CACNA1G: variants seen among roughly 807,000 people sequenced by gnomAD.
CACNA1G encodes voltage-dependent T-type calcium channel subunit alpha-1G.
A neutral mutation model predicts 219.4 loss-of-function variants in CACNA1G; 67 were observed. That is an observed-to-expected ratio of 0.31 (90% CI 0.25 to 0.37). CACNA1G has a LOEUF of 0.37. Among genes scored for constraint, CACNA1G ranks in the 10% least tolerant of loss-of-function variants. The pLI, the probability that CACNA1G is intolerant of heterozygous loss-of-function variation, is 1.00. For missense variants in CACNA1G, 2,380 were observed against 3,231.4 expected (o/e 0.74, Z 6.39); for synonymous variants, 1,296 against 1,345.3 (o/e 0.96, Z 0.80).
In CACNA1G at chr17:50,569,191, C is replaced by A; in HGVS notation, c.381C>A (p.Phe127Leu). The change falls in exon 3 of 38, where the codon TTC becomes TTA. Residue 127 changes from phenylalanine to leucine, a missense_variant. Physicochemically the swap from Phe to Leu is conservative, Grantham distance 22. Transcript: ENST00000359106. ...LQAFDDFIFA[F>L]FAVEMVVKMV... ...CCTTTGATGACTTCATCTTTGCCTT[C>A]TTTGCCGTGGAGATGGTGGTGAAGA... 6.2e-7 allele frequency: 1 copy of A among 1,613,918 alleles called. No homozygotes were observed. Among genetic ancestry groups the A allele is most frequent in the Non-Finnish European group, 8.5e-7 (1 of 1,179,854 alleles).
Position 50,626,618 on chromosome 17 carries a change from G to C in CACNA1G, c.7001G>C (p.Arg2334Thr), listed in dbSNP as rs771712305. ...AGCCCTGGTATCTGCCTCCGGAGGA[G>C]GGCTCCGTCCAGCGACTCCAAGGAT... Reference protein sequence around the residue: ...PPSPGICLRRRAPSSDSKDPL... With the variant: ...PPSPGICLRRTAPSSDSKDPL... The change falls in exon 38 of 38, where the codon AGG becomes ACG. Residue 2334 changes from arginine to threonine, a missense_variant. This residue lies in a region of CACNA1G where 672 missense variants were observed against 670.5 expected (regional missense o/e 1.00). Transcript: ENST00000359106. The surrounding 1 kb of genome is among the most constrained non-coding windows in gnomAD (Gnocchi z 4.3). The C allele has an allele frequency of 1.2e-6, 2 of 1,612,788 alleles. No individual in the cohort carries two copies. Among genetic ancestry groups the C allele is most frequent in the East Asian group, 2.2e-5 (1 of 44,812 alleles).
chr17:50,603,153 G>T lies in CACNA1G; in HGVS notation c.4123G>T (p.Gly1375Cys). 6.2e-7 allele frequency: 1 copy of T among 1,611,346 alleles called. No homozygotes were observed. The change falls in exon 21 of 38, where the codon GGC becomes TGC. Residue 1375 changes from glycine to cysteine, a missense_variant. Transcript: ENST00000359106. The surrounding 1 kb of genome is among the most constrained non-coding windows in gnomAD (Gnocchi z 6.4). ...CTCTGACAGCGGCACCAAGATCCTG[G>T]GCATGCTGAGGGTGCTGCGGCTGCT... The part of the protein sequence containing the change: ...MVSDSGTKIL[G>C]MLRVLRLLRT...
Position 50,605,945 on chromosome 17 carries a change from C to G in CACNA1G, c.4344C>G (p.Asn1448Lys). Residue 1448 changes from asparagine to lysine, a missense_variant, in exon 23 of 38, where the codon AAC (asparagine) becomes AAG (lysine). Around this residue, in one of 17 missense-constraint regions of CACNA1G, gnomAD observed 153 missense variants for 374.9 expected, o/e 0.41. Transcript: ENST00000359106. ...FFVCQGEDTRNITNKSDCAEA... is the reference protein window; with the variant it reads ...FFVCQGEDTRKITNKSDCAEA... ...TGTGCCAGGGCGAGGATACCAGGAACATCACCAATAAATCGGACTGTGCCG... is the reference window on the plus strand; with the variant it reads ...TGTGCCAGGGCGAGGATACCAGGAAGATCACCAATAAATCGGACTGTGCCG... 1 of 1,613,732 alleles carries G rather than the reference C, an allele frequency of 6.2e-7. No individual in the cohort carries two copies. Among genetic ancestry groups the G allele is most frequent in the Non-Finnish European group, 8.5e-7 (1 of 1,179,874 alleles).
At chr17:50,594,910 A>C in intron 13 of CACNA1G, 83 bp from the exon 14 acceptor site, 15 of 1,033,404 alleles carry the variant, frequency 1.5e-5, no homozygotes, top group South Asian at 4.3e-5. Context: ...CCTTTTCTTC[A>C]TCCTCTCTCG....
chr17:50,570,557 C>CTGTGTGTGTGTGTGTGTGTGTGTG (rs3062844), intron 4 of CACNA1G, among the ~76,000 whole-genome samples: 5,087 of 132,514 alleles, frequency 0.038, 293 homozygotes, highest in African/African-American at 0.08. Flanking sequence ...CCCCTGCGCT[C>CTGTGTGTGTGTGTGTGTGTGTGTG]TGTGTGTGTG....
At chr17:50,608,634 C>G (rs953683466) in intron 25 of CACNA1G, among the ~76,000 whole-genome samples, 1 of 151,928 alleles carries the variant, frequency 6.6e-6, no homozygotes, top group Admixed American at 6.6e-5. Flanking sequence ...CTGGAATAAC[C>G]TGGGGCCCTG....
At chr17:50,584,958 C>T (rs2042714624) in intron 9 of CACNA1G, among the ~76,000 whole-genome samples, 1 of 152,288 alleles carries the variant, frequency 6.6e-6, no homozygotes, top group East Asian at 1.9e-4. Flanking sequence ...TCTAGCGATA[C>T]TCAGCACTTC....
intron 9 of CACNA1G, among the ~76,000 whole-genome samples, chr17:50,589,356 C>T (rs2043674515): frequency 6.6e-6 from 1 of 152,204 alleles, no homozygotes; most frequent in Admixed American, 6.5e-5. Context: ...TCACCCCTCA[C>T]CTTTTCTCCC....
Position 50,621,889 on chromosome 17 carries a change from T to A in CACNA1G, c.6060+95T>A. 1.5e-6 allele frequency: 2 copies of A among 1,371,078 alleles called. No individual in the cohort carries two copies. The highest frequency in any genetic ancestry group is 2.0e-6 in the Non-Finnish European group (2 of 989,352). The allele number at this position is 1,371,078 out of a possible 1,614,324, so 84.9% of individuals were successfully genotyped here. A position where few individuals can be genotyped will look rare whatever the true frequency, so the allele number is the denominator to read the frequency against. ...GCCCAGGGAGGGTCCTGGGGCCGCC[T>A]CCTCTCAGTTTGCTGCCAGGCTCCA... On this transcript the variant is annotated intron_variant, in intron 35 of 37. Coordinates refer to ENST00000359106, the MANE Select transcript of CACNA1G (RefSeq NM_018896.5). The surrounding 1 kb of genome is among the most constrained non-coding windows in gnomAD (Gnocchi z 4.6).
intron 7 of CACNA1G, 46 bp downstream of exon 7, chr17:50,573,159 C>T (rs1163169200): frequency 7.2e-7 from 1 of 1,386,534 alleles, no homozygotes; most frequent in Admixed American, 2.0e-5. Context: ...ATCCTGGGGA[C>T]ACCTGTGGGG....
chr17:50,621,896 AGTTTGCTG>A lies in CACNA1G; in HGVS notation c.6060+103_6060+110del. On this transcript the variant is annotated intron_variant, in intron 35 of 37. Transcript: ENST00000359106. The surrounding 1 kb of genome is among the most constrained non-coding windows in gnomAD (Gnocchi z 4.6). ...GAGGGTCCTGGGGCCGCCTCCTCTC[AGTTTGCTG>A]CCAGGCTCCACCCAGAGGCATCAAC... The A allele has an allele frequency of 3.1e-6, 4 of 1,311,008 alleles. No individual in the cohort carries two copies. The highest frequency in any genetic ancestry group is 4.3e-6 in the Non-Finnish European group (4 of 938,700). 81.2% of individuals were successfully genotyped at this position (1,311,008 alleles called of 1,614,324 possible). A position where few individuals can be genotyped will look rare whatever the true frequency, so the allele number is the denominator to read the frequency against.
chr17:50,610,575 G>A (rs2048993267), intron 26 of CACNA1G, among the ~76,000 whole-genome samples: 1 of 152,126 alleles, frequency 6.6e-6, no homozygotes, highest in Admixed American at 6.5e-5. Context: ...ATGGTCCCTC[G>A]GTCCCCTGCT....
intron 9 of CACNA1G, among the ~76,000 whole-genome samples, chr17:50,588,139 GC>G (rs1267884244): frequency 6.6e-6 from 1 of 152,128 alleles, no homozygotes; most frequent in Non-Finnish European, 1.5e-5. Context: ...GCGTACCTCA[GC>G]TGTGTCTTCA....
intron 34 of CACNA1G, among the ~76,000 whole-genome samples, chr17:50,620,376 G>A (rs889313720): frequency 6.6e-6 from 1 of 152,232 alleles, no homozygotes; most frequent in African/African-American, 2.4e-5. Flanking sequence ...AGAGATAGAA[G>A]GCTCCAGCTG....
intron 9 of CACNA1G, among the ~76,000 whole-genome samples, chr17:50,590,098 A>G (rs2043948653): frequency 6.6e-6 from 1 of 152,070 alleles, no homozygotes; most frequent in Non-Finnish European, 1.5e-5. Flanking sequence ...ATCCGCCAGC[A>G]TTGTCATGCT....
At chr17:50,610,057 C>A in intron 26 of CACNA1G, 122 bp downstream of exon 26, 1 of 949,308 alleles carries the variant, frequency 1.1e-6, no homozygotes, top group Non-Finnish European at 1.6e-6. Flanking sequence ...CCCAAGAGGG[C>A]AGGGGCTGAA....
In CACNA1G at chr17:50,561,607, G is replaced by A. The variant is rs1324428097; in HGVS notation, c.148G>A (p.Gly50Arg). 6.3e-7 allele frequency: 1 copy of A among 1,588,484 alleles called. No individual in the cohort carries two copies. The highest frequency in any genetic ancestry group is 1.8e-5 in the Admixed American group (1 of 56,650). ...GGGCAGCGCGGACTCCGAGGCGGAGGGGCTGCCGTACCCGGCGCTGGCCCC... is the reference window on the plus strand; with the variant it reads ...GGGCAGCGCGGACTCCGAGGCGGAGAGGCTGCCGTACCCGGCGCTGGCCCC... ...DPGSADSEAEGLPYPALAPVV... is the reference protein window; with the variant it reads ...DPGSADSEAERLPYPALAPVV... The change falls in exon 1 of 38, where the codon GGG becomes AGG. Residue 50 changes from glycine (G) to arginine (R), a missense_variant. This residue lies in a region of CACNA1G where 98 missense variants were observed against 85.5 expected (regional missense o/e 1.15). Transcript: ENST00000359106.
Position 50,626,341 on chromosome 17 carries a change from G to A in CACNA1G, c.6724G>A (p.Asp2242Asn), listed in dbSNP as rs773370279. ...GGQEEPPSPR[D>N]LKKCYSVEAQ... ...CCAGGAGGAGCCCCCATCCCCACGG[G>A]ACCTGAAGAAGTGCTACAGCGTGGA... Residue 2242 changes from aspartate to asparagine, a missense_variant, in exon 38 of 38, where the codon GAC (aspartate) becomes AAC (asparagine). By Grantham distance (23) the Asp-to-Asn change is conservative. Transcript: ENST00000359106. This position sits in a 1 kb window ranked among gnomAD's most constrained non-coding sequence, Gnocchi z 4.3. The A allele has an allele frequency of 2.5e-6, 4 of 1,613,102 alleles. No individual in the cohort carries two copies. The highest frequency in any genetic ancestry group is 3.4e-6 in the Non-Finnish European group (4 of 1,179,826).
In CACNA1G at chr17:50,596,835, G is replaced by C; in HGVS notation, c.3170G>C (p.Gly1057Ala). 1 of 1,607,306 alleles carries C rather than the reference G, an allele frequency of 6.2e-7. No homozygotes were observed. Among genetic ancestry groups the C allele is most frequent in the Non-Finnish European group, 8.5e-7 (1 of 1,177,982 alleles). Residue 1057 changes from glycine to alanine, a missense_variant, in exon 16 of 38, where the codon GGC becomes GCC. Coordinates refer to ENST00000359106, the MANE Select transcript of CACNA1G (RefSeq NM_018896.5). This position sits in a 1 kb window ranked among gnomAD's most constrained non-coding sequence, Gnocchi z 4.8. ...PMSLPKSTSTGLGEALGPASR... is the reference protein window; with the variant it reads ...PMSLPKSTSTALGEALGPASR... Reference sequence around the variant, plus strand: ...TCGCTGCCCAAGAGCACCAGCACGGGCCTGGGCGAGGCGCTGGGCCCTGCG... The same window carrying C: ...TCGCTGCCCAAGAGCACCAGCACGGCCCTGGGCGAGGCGCTGGGCCCTGCG...
Sources: gnomAD v4.1 joint callset for allele counts (sites outside exome capture counted in the v4.1 genomes callset) on GRCh38, gnomAD v4.1.1 for gene constraint, gnomAD v4.1.1 regional missense constraint, Gnocchi (gnomAD v3.1) non-coding constraint, MANE v1.5 for transcripts, NCBI Gene and HGNC (gene_info 2026-07-23, HGNC 2026-07-21) for gene names.